Variants in GMDS observed in about 807,000 individuals in gnomAD.
The protein encoded by GMDS is GDP-mannose 4,6-dehydratase, also known as GDP-mannose 4,6 dehydratase.
GMDS carries 20 observed loss-of-function variants against 49.9 expected under a neutral mutation model. The observed-to-expected ratio is 0.40, with a 90% CI of 0.28 to 0.58. The LOEUF (loss-of-function observed/expected upper bound fraction) is 0.58, where lower values mean the gene tolerates loss of function less well. Ranked by LOEUF, GMDS falls within the 20% of genes least tolerant of loss-of-function variation. The pLI, the probability that GMDS is intolerant of heterozygous loss-of-function variation, is 0.42. For synonymous variants in GMDS, 177 were observed against 178.6 expected, an observed-to-expected ratio of 0.99 and a Z score of 0.07; for missense variants, 362 against 481.4, an observed-to-expected ratio of 0.75 and a Z score of 2.32.
At chr6:2,223,286 A>G in intron 1 of GMDS, among the ~76,000 whole-genome samples, 1 of 152,120 alleles carries the variant, frequency 6.6e-6, no homozygotes, top group Non-Finnish European at 1.5e-5. Flanking sequence ...TACAAAACAC[A>G]CACAAGCCAG....
At chr6:1,995,990 G>T (rs1224177014) in intron 4 of GMDS, among the ~76,000 whole-genome samples, 1 of 152,188 alleles carries the variant, frequency 6.6e-6, no homozygotes, top group African/African-American at 2.4e-5. Context: ...CCTGGGGGTG[G>T]AGGGGAAGGC....
chr6:1,864,845 G>C (rs191007108), intron 7 of GMDS, among the ~76,000 whole-genome samples: 3 of 152,294 alleles, frequency 2.0e-5, no homozygotes, highest in Admixed American at 2.0e-4. Flanking sequence ...CCCCAAAGCA[G>C]AGAAAGACCC....
chr6:1,997,247 T>G (rs139233636), intron 4 of GMDS, among the ~76,000 whole-genome samples: 4 of 152,028 alleles, frequency 2.6e-5, no homozygotes, highest in Admixed American at 1.3e-4. Flanking sequence ...CGGTGGCTCA[T>G]GCCTGTAATC....
rs1165192099 is a variant in GMDS at position 1,960,924 on chromosome 6, C to G, written c.388G>C (p.Val130Leu). The change falls in exon 5 of 11, where the codon GTT becomes CTT. Residue 130 changes from valine to leucine, a missense_variant. Val to Leu is a conservative substitution (Grantham distance 32). Coordinates refer to ENST00000380815, the MANE Select transcript of GMDS (RefSeq NM_001500.4). ...GCATCTAGAAGTCGTAGAGTGCCAA[C>G]TCCGTCAACGTCCGCAGTGTACTCA... is the stretch of plus-strand genomic sequence containing the variant. ...LAEYTADVDG[V>L]GTLRLLDAVK... 6.3e-7 allele frequency: 1 copy of G among 1,596,988 alleles called. No individual in the cohort carries two copies. The highest frequency in any genetic ancestry group is 8.6e-7 in the Non-Finnish European group (1 of 1,166,858).
intron 7 of GMDS, among the ~76,000 whole-genome samples, chr6:1,893,097 A>G (rs1759956846): frequency 6.6e-6 from 1 of 151,888 alleles, no homozygotes; most frequent in African/African-American, 2.4e-5. Flanking sequence ...TTCCCACCTG[A>G]CCTCAATTTA....
intron 9 of GMDS, among the ~76,000 whole-genome samples, chr6:1,650,856 A>G (rs9502986): frequency 0.32 from 48,430 of 152,106 alleles, 8,161 homozygotes; most frequent in Middle Eastern, 0.47. Flanking sequence ...TTGGGATTAG[A>G]GCCGTGAACC....
intron 9 of GMDS, among the ~76,000 whole-genome samples, chr6:1,643,312 C>G (rs1360984528): frequency 6.6e-6 from 1 of 152,220 alleles, no homozygotes; most frequent in Non-Finnish European, 1.5e-5. Flanking sequence ...GCAGGACACA[C>G]AGGCATTGTA....
At chr6:2,037,781 AG>A (rs1169536627) in intron 4 of GMDS, among the ~76,000 whole-genome samples, 1 of 152,142 alleles carries the variant, frequency 6.6e-6, no homozygotes, top group African/African-American at 2.4e-5. Flanking sequence ...CTTAGCACTA[AG>A]GTCTCAAAGG....
At chr6:2,230,322 AG>A (rs1561675176) in intron 1 of GMDS, among the ~76,000 whole-genome samples, 1 of 152,240 alleles carries the variant, frequency 6.6e-6, no homozygotes, top group African/African-American at 2.4e-5. Context: ...ATATTTAAAG[AG>A]AAGAAAAACC....
intron 7 of GMDS, among the ~76,000 whole-genome samples, chr6:1,901,640 T>C (rs1292935575): frequency 6.6e-6 from 1 of 152,234 alleles, no homozygotes; most frequent in Admixed American, 6.5e-5. Context: ...CACAAGGCTT[T>C]TTTTTTGAAG....
At chr6:1,937,673 C>T (rs1222667474) in intron 6 of GMDS, among the ~76,000 whole-genome samples, 2 of 152,202 alleles carry the variant, frequency 1.3e-5, no homozygotes, top group South Asian at 4.1e-4. Context: ...ATGTCTCTGG[C>T]TCTTCTTTTT....
At chr6:1,757,819 G>A (rs1581146960) in intron 7 of GMDS, among the ~76,000 whole-genome samples, 1 of 152,210 alleles carries the variant, frequency 6.6e-6, no homozygotes, top group South Asian at 2.1e-4. Context: ...TGAGCCACAC[G>A]TAATATAAAA....
chr6:2,159,514 CTTTTT>C (rs1157303919), intron 1 of GMDS, among the ~76,000 whole-genome samples: 2 of 108,182 alleles, frequency 1.8e-5, no homozygotes, highest in East Asian at 5.3e-4. Flanking sequence ...TTCTTTTTTT[CTTTTT>C]TTTTTTTTTT....
intron 1 of GMDS, among the ~76,000 whole-genome samples, chr6:2,145,959 C>T (rs1776537702): frequency 6.6e-6 from 1 of 152,200 alleles, no homozygotes; most frequent in African/African-American, 2.4e-5. Context: ...GAACCAATCG[C>T]TCATGCATAC....
chr6:1,939,447 T>C (rs1762705546), intron 6 of GMDS, among the ~76,000 whole-genome samples: 1 of 151,940 alleles, frequency 6.6e-6, no homozygotes, highest in Non-Finnish European at 1.5e-5. Context: ...TTGACTGCTA[T>C]CTACTGATTA....
intron 4 of GMDS, among the ~76,000 whole-genome samples, chr6:2,105,466 TTAGTGTCAAACAAACAAA>T (rs1440484117): frequency 6.6e-6 from 1 of 152,068 alleles, no homozygotes; most frequent in Non-Finnish European, 1.5e-5. Context: ...CTAAGATAAG[TTAGTGTCAAACAAACAAA>T]TAGAAAGGCA....
chr6:1,642,054 T>C (rs1763346900), intron 9 of GMDS, among the ~76,000 whole-genome samples: 2 of 151,154 alleles, frequency 1.3e-5, no homozygotes, highest in Non-Finnish European at 2.9e-5. Flanking sequence ...CGTAGCACTC[T>C]CCTTTTCATC....
chr6:1,735,267 T>C (rs1766962945), intron 8 of GMDS, among the ~76,000 whole-genome samples: 1 of 152,192 alleles, frequency 6.6e-6, no homozygotes, highest in African/African-American at 2.4e-5. Context: ...CCACAAATCT[T>C]CACCAAGCAC....
chr6:2,021,191 G>A (rs1220027581), intron 4 of GMDS, among the ~76,000 whole-genome samples: 1 of 152,200 alleles, frequency 6.6e-6, no homozygotes, highest in Non-Finnish European at 1.5e-5. Flanking sequence ...TTGCTTTTAA[G>A]TATTTGAAAA....
Sources: gnomAD v4.1 joint callset for allele counts (sites outside exome capture counted in the v4.1 genomes callset) on GRCh38, gnomAD v4.1.1 for gene constraint, MANE v1.5 for transcripts, NCBI Gene and HGNC (gene_info 2026-07-23, HGNC 2026-07-21) for gene names.